Variants in FANCA observed in about 807,000 individuals in gnomAD.
FANCA encodes the protein FA complementation group A.
Under a neutral mutation model 194.3 loss-of-function variants are expected in FANCA, and 236 were observed. The observed-to-expected ratio is 1.21, with a 90% confidence interval of 1.09 to 1.35. The LOEUF (loss-of-function observed/expected upper bound fraction) is 1.35, where lower values mean the gene tolerates loss of function less well. FANCA is among the 40% of genes most tolerant of loss of function. The pLI is 0.00. For synonymous variants in FANCA, 1,014 were observed against 715.8 expected, an observed-to-expected ratio of 1.42 and a Z score of -6.65; for missense variants, 2,628 against 1,813.9, an observed-to-expected ratio of 1.45 and a Z score of -8.15.
At chr16:89,782,186 T>C (rs1033222336) in intron 17 of FANCA, among the ~76,000 whole-genome samples, 6 of 151,042 alleles carry the variant, frequency 4.0e-5, no homozygotes, top group Non-Finnish European at 8.9e-5. Context: ...TCATCCTGGC[T>C]AACACGGTGA....
At chr16:89,740,752 C>CT in intron 38 of FANCA, 52 bp downstream of exon 38, 1 of 1,534,882 alleles carries the variant, frequency 6.5e-7, no homozygotes, top group Non-Finnish European at 9.0e-7. Context: ...CCTGGTGCCC[C>CT]TGCCTGGCCC....
chr16:89,789,170 A>G (rs1408042931), intron 14 of FANCA, among the ~76,000 whole-genome samples: 2 of 151,980 alleles, frequency 1.3e-5, no homozygotes, highest in African/African-American at 4.8e-5. Context: ...AGAGCTGGGG[A>G]GAGCCTGAGG....
rs775388912 is a variant in FANCA, at chr16:89,770,563, C to G, written c.2222+1G>C. 6.2e-7 allele frequency: 1 copy of G among 1,607,684 alleles called. No homozygotes were observed. Among genetic ancestry groups the G allele is most frequent in the Non-Finnish European group, 8.5e-7 (1 of 1,177,134 alleles). ...ACTCAGGGAGCTGCCCGCGCCTTCA[C>G]CTCTCCGGGGGAGCGACACTGGAGG... On this transcript the variant is annotated splice_donor_variant, in intron 24 of 42. Coordinates refer to ENST00000389301, the MANE Select transcript of FANCA (RefSeq NM_000135.4). LOFTEE classifies it high-confidence loss of function.
chr16:89,786,882 C>T (rs539815279), intron 14 of FANCA, among the ~76,000 whole-genome samples: 3 of 152,162 alleles, frequency 2.0e-5, no homozygotes, highest in Non-Finnish European at 4.4e-5. Context: ...TGAAATTCTC[C>T]CGCCAAGCAC....
chr16:89,746,850 A>G lies in FANCA; in HGVS notation c.3389T>C (p.Ile1130Thr), dbSNP rs2038408218. ...CSHGGALTQDITAHFFRGLLN... is the reference protein window; with the variant it reads ...CSHGGALTQDTTAHFFRGLLN... ...TCTCACCCTGAAGAAGTGGGCAGTG[A>G]TGTCCTGTGTCAGGGCACCTCCGTG... The change falls in exon 34 of 43, where the codon ATC (isoleucine) becomes ACC (threonine). Residue 1130 changes from isoleucine (I) to threonine (T), a missense_variant. By Grantham distance (89) the Ile-to-Thr change is moderately conservative. Transcript: ENST00000389301. The G allele has an allele frequency of 1.3e-6, 2 of 1,563,552 alleles. No individual in the cohort carries two copies. The highest frequency in any genetic ancestry group is 2.7e-5 in the African/African-American group (2 of 73,448).
At chr16:89,795,114 G>A (rs914480800) in intron 11 of FANCA, among the ~76,000 whole-genome samples, 6 of 151,840 alleles carry the variant, frequency 4.0e-5, no homozygotes, top group East Asian at 1.9e-4. Flanking sequence ...GTGAAAGCCC[G>A]TCTCTACTAA....
At chr16:89,802,355 A>C (rs2040485920) in intron 8 of FANCA, among the ~76,000 whole-genome samples, 1 of 151,350 alleles carries the variant, frequency 6.6e-6, no homozygotes, top group Non-Finnish European at 1.5e-5. Flanking sequence ...CACCAGTCTC[A>C]GCCTCCCAAA....
At chr16:89,784,779 G>C in intron 15 of FANCA, 75 bp downstream of exon 15, 1 of 1,142,432 alleles carries the variant, frequency 8.8e-7, no homozygotes, top group Non-Finnish European at 1.3e-6. Flanking sequence ...GGCTCTTGGG[G>C]AGGCCAAGGC....
chr16:89,809,791 T>C (rs2040805218), intron 5 of FANCA, among the ~76,000 whole-genome samples: 1 of 150,670 alleles, frequency 6.6e-6, no homozygotes, highest in South Asian at 2.1e-4. Flanking sequence ...AGGCGGACGT[T>C]GCGATAAGCC....
chr16:89,755,048 G>C (rs1302861433), intron 30 of FANCA, among the ~76,000 whole-genome samples: 1 of 152,128 alleles, frequency 6.6e-6, no homozygotes, highest in Non-Finnish European at 1.5e-5. Flanking sequence ...CAGACCAAGG[G>C]AACACAATGA....
At chr16:89,804,476 T>C (rs2040564594) in intron 7 of FANCA, among the ~76,000 whole-genome samples, 2 of 152,138 alleles carry the variant, frequency 1.3e-5, no homozygotes, top group South Asian at 4.1e-4. Context: ...ATATAAGTCC[T>C]GACAAACCCA....
At chr16:89,780,615 C>G (rs1774619793) in intron 17 of FANCA, among the ~76,000 whole-genome samples, 1 of 124,472 alleles carries the variant, frequency 8.0e-6, no homozygotes. Context: ...CAGGGGAAGT[C>G]CCTGCATCAA....
intron 20 of FANCA, among the ~76,000 whole-genome samples, chr16:89,777,081 G>A (rs140483736): frequency 1.5e-4 from 22 of 151,296 alleles, no homozygotes; most frequent in Non-Finnish European, 2.2e-4. Flanking sequence ...GTGGTGGAGC[G>A]CGCCTCTAGA....
At chr16:89,812,907 C>A (rs1246655928) in intron 3 of FANCA, among the ~76,000 whole-genome samples, 4 of 151,264 alleles carry the variant, frequency 2.6e-5, no homozygotes, top group African/African-American at 7.3e-5. Context: ...GCGGCGGGCA[C>A]CTATAATCCC....
At chr16:89,750,744 G>A (rs1391059003) in intron 31 of FANCA, among the ~76,000 whole-genome samples, 1 of 152,102 alleles carries the variant, frequency 6.6e-6, no homozygotes, top group East Asian at 1.9e-4. Flanking sequence ...CTGCACTCCA[G>A]AGCAAGACTC....
rs142444561 is a variant in FANCA at position 89,802,675 on chromosome 16, T to C, written c.792+584A>G. On this transcript the variant is annotated intron_variant, in intron 8 of 42. Coordinates refer to ENST00000389301, the MANE Select transcript of FANCA (RefSeq NM_000135.4). Reference sequence around the variant, plus strand: ...GCCTCGTCCTCCCAAAGTGCTGGGATTACAGGCATGAGCCACCATGCCCGG... The same window carrying C: ...GCCTCGTCCTCCCAAAGTGCTGGGACTACAGGCATGAGCCACCATGCCCGG... 3.0e-3 allele frequency among the ~76,000 whole-genome samples: 454 copies of C among 151,726 alleles called. 5 individuals carry two copies. Among genetic ancestry groups the C allele is most frequent in the African/African-American group, 0.01 (432 of 41,402 alleles).
intron 15 of FANCA, 52 bp downstream of exon 15, chr16:89,784,802 C>T (rs574334395): frequency 2.1e-6 from 3 of 1,404,578 alleles, no homozygotes; most frequent in South Asian, 2.3e-5. Context: ...TCCTCAGATG[C>T]AGCAGGTGAG....
chr16:89,749,174 G>C (rs1007834179), intron 32 of FANCA, among the ~76,000 whole-genome samples: 2 of 152,144 alleles, frequency 1.3e-5, no homozygotes, highest in Non-Finnish European at 2.9e-5. Context: ...ACTTTCACAA[G>C]AGCTCCTTCT....
chr16:89,781,402 A>G (rs1481344961), intron 17 of FANCA, among the ~76,000 whole-genome samples: 7 of 146,902 alleles, frequency 4.8e-5, no homozygotes, highest in Admixed American at 7.0e-5. Flanking sequence ...CGCTGGGCAC[A>G]GTGGCTCATG....
Sources: allele counts gnomAD v4.1 joint callset (sites outside exome capture counted in the v4.1 genomes callset), GRCh38; gene constraint gnomAD v4.1.1; transcripts MANE v1.5; gene names NCBI Gene and HGNC (gene_info 2026-07-23, HGNC 2026-07-21).